The following KIF3C variants were observed in gnomAD, a reference collection of about 807,000 sequenced individuals.
KIF3C encodes kinesin family member 3C, also known as kinesin-like protein KIF3C.
KIF3C carries 12 observed loss-of-function variants against 67.7 expected under a neutral mutation model. The ratio of observed to expected loss-of-function variants is 0.18; its 90% CI spans 0.11 to 0.29. The LOEUF (loss-of-function observed/expected upper bound fraction) is 0.29. Ranked by LOEUF, KIF3C falls within the 10% of genes least tolerant of loss-of-function variation. The probability of loss-of-function intolerance (pLI) is 1.00; values close to 1 mark genes in which losing one functional copy is unlikely to be tolerated. For synonymous variants in KIF3C, 393 were observed against 426.2 expected, an observed-to-expected ratio of 0.92 and a Z score of 0.96; for missense variants, 789 against 1,059.6, an observed-to-expected ratio of 0.74 and a Z score of 3.55.
intron 5 of KIF3C, among the ~76,000 whole-genome samples, chr2:25,932,009 T>G (rs1190342747): frequency 9.4e-5 from 14 of 149,356 alleles, no homozygotes; most frequent in Non-Finnish European, 1.9e-4. Context: ...TTTTGTTTTT[T>G]TTTTTTTTTT....
At chr2:25,950,771 T>C (rs987007540) in intron 5 of KIF3C, among the ~76,000 whole-genome samples, 5 of 152,074 alleles carry the variant, frequency 3.3e-5, no homozygotes, top group African/African-American at 1.2e-4. Context: ...GGATTGTAGG[T>C]GCAAAGTAAT....
Position 25,958,820 on chromosome 2 carries a change from A to G in KIF3C, c.1546-2376T>C, listed in dbSNP as rs766517152. ...CCCGGTGCGGTGGCTAGCGCCTGTA[A>G]TCCCGGCACTTTGGGAGGCCAAGGC... On this transcript the variant is annotated intron_variant, in intron 1 of 7. Coordinates refer to ENST00000264712, the MANE Select transcript of KIF3C (RefSeq NM_002254.8). This position sits in a 1 kb window ranked among gnomAD's most constrained non-coding sequence, Gnocchi z 4.5. Among the ~76,000 whole-genome samples the G allele has an allele frequency of 6.6e-6, 1 of 152,068 alleles. No homozygotes were observed. The highest frequency in any genetic ancestry group is 2.4e-5 in the African/African-American group (1 of 41,408).
chr2:25,962,397 G>T (rs1663968362), intron 1 of KIF3C, among the ~76,000 whole-genome samples: 2 of 150,500 alleles, frequency 1.3e-5, no homozygotes, highest in African/African-American at 2.5e-5. Flanking sequence ...TTGTTTTTTT[G>T]AGACGGAGTT....
intron 1 of KIF3C, among the ~76,000 whole-genome samples, chr2:25,962,243 C>A (rs894634551): frequency 6.6e-6 from 1 of 152,184 alleles, no homozygotes; most frequent in African/African-American, 2.4e-5. Flanking sequence ...ACGTTTTTAA[C>A]CCTTTATTGT....
At position 25,981,706 on chromosome 2, in the gene KIF3C, G is replaced by C. The variant is rs1462321106; in HGVS notation, c.212C>G (p.Ala71Gly). Reference sequence around the variant, plus strand: ...CCTCACGGTTTCGTCATACAGGTCGGCCTGCTTGGAGCTGGCATCATACAC... The same window carrying C: ...CCTCACGGTTTCGTCATACAGGTCGCCCTGCTTGGAGCTGGCATCATACAC... ...DAVYDASSKQ[A>G]DLYDETVRPL... Residue 71 changes from alanine to glycine, a missense_variant, in exon 1 of 8, where the codon GCC becomes GGC. Coordinates refer to ENST00000264712, the MANE Select transcript of KIF3C (RefSeq NM_002254.8). The surrounding 1 kb of genome is among the most constrained non-coding windows in gnomAD (Gnocchi z 8.2). 6.2e-7 allele frequency: 1 copy of C among 1,613,722 alleles called. No individual in the cohort carries two copies. The highest frequency in any genetic ancestry group is 1.3e-5 in the African/African-American group (1 of 74,944).
chr2:25,953,995 T>A, intron 4 of KIF3C: 1 of 371,742 alleles, frequency 2.7e-6, no homozygotes, highest in Non-Finnish European at 4.9e-6. Context: ...AAATTTAAAA[T>A]CACTGATTCT....
Position 25,928,939 on chromosome 2 carries a change from C to T in KIF3C, c.*39G>A. 1 of 1,572,444 alleles carries T rather than the reference C, an allele frequency of 6.4e-7. No homozygotes were observed. The highest frequency in any genetic ancestry group is 8.7e-7 in the Non-Finnish European group (1 of 1,147,432). ...ATGAGCCAGGGTTGGCTGCCCCATCCCAGGAGTCTATTGGATGGGCAGCCT... is the reference window on the plus strand; with the variant it reads ...ATGAGCCAGGGTTGGCTGCCCCATCTCAGGAGTCTATTGGATGGGCAGCCT... On this transcript the variant is annotated 3_prime_UTR_variant, in exon 8 of 8. Transcript: ENST00000264712.
intron 1 of KIF3C, among the ~76,000 whole-genome samples, chr2:25,962,951 A>AAT (rs1553715919): frequency 3.0e-5 from 1 of 33,082 alleles, no homozygotes; most frequent in Non-Finnish European, 4.1e-5. Flanking sequence ...TATAATATAT[A>AAT]ATATATAATA....
intron 1 of KIF3C, among the ~76,000 whole-genome samples, chr2:25,962,834 AAAATATATAATATATAATAT>A (rs1663996135): frequency 1.4e-5 from 1 of 69,326 alleles, no homozygotes; most frequent in Non-Finnish European, 2.5e-5. Context: ...TAAAATATAT[AAAATATATAATATATAATAT>A]AATATATAAT....
intron 1 of KIF3C, among the ~76,000 whole-genome samples, chr2:25,959,248 C>T (rs1663885307): frequency 6.6e-6 from 1 of 152,130 alleles, no homozygotes. Context: ...TTCGGGCCCC[C>T]TCAGTAACCA....
In KIF3C at chr2:25,981,509, G is replaced by T. The variant is rs752662412; in HGVS notation, c.409C>A (p.Gln137Lys). ...IFTHISRSQN[Q>K]QYLVRASYLE... ...TAGGAGGCCCGGACCAGGTACTGTTGGTTCTGGGAGCGGGAGATGTGGGTG... is the reference window on the plus strand; with the variant it reads ...TAGGAGGCCCGGACCAGGTACTGTTTGTTCTGGGAGCGGGAGATGTGGGTG... The change falls in exon 1 of 8, where the codon CAA (glutamine) becomes AAA (lysine). Residue 137 changes from glutamine (Q) to lysine (K), a missense_variant. This residue lies in a region of KIF3C where 141 missense variants were observed against 251.8 expected (regional missense o/e 0.56). Coordinates refer to ENST00000264712, the MANE Select transcript of KIF3C (RefSeq NM_002254.8). This position sits in a 1 kb window ranked among gnomAD's most constrained non-coding sequence, Gnocchi z 8.2. 6.2e-7 allele frequency: 1 copy of T among 1,614,100 alleles called. No homozygotes were observed. Among genetic ancestry groups the T allele is most frequent in the Non-Finnish European group, 8.5e-7 (1 of 1,180,008 alleles).
At chr2:25,962,974 AAT>A (rs1198089098) in intron 1 of KIF3C, among the ~76,000 whole-genome samples, 1 of 39,858 alleles carries the variant, frequency 2.5e-5, no homozygotes, top group Non-Finnish European at 3.6e-5. Context: ...TATAATATAT[AAT>A]ATATAATATA....
At chr2:25,954,451 T>C (rs1574488027) in intron 3 of KIF3C, 66 bp from the exon 4 acceptor site, 6 of 1,225,946 alleles carry the variant, frequency 4.9e-6, no homozygotes, top group East Asian at 2.4e-5. Flanking sequence ...TCACCCAGCC[T>C]GGGCCGCAGG....
At chr2:25,966,979 G>C (rs180777283) in intron 1 of KIF3C, among the ~76,000 whole-genome samples, 11 of 152,316 alleles carry the variant, frequency 7.2e-5, no homozygotes, top group Non-Finnish European at 1.6e-4. Context: ...AAATGGCAGA[G>C]TGATATTTGA....
At chr2:25,952,838 A>G (rs1273423677) in intron 4 of KIF3C, among the ~76,000 whole-genome samples, 1 of 151,988 alleles carries the variant, frequency 6.6e-6, no homozygotes, top group Non-Finnish European at 1.5e-5. Context: ...GATTACAGGT[A>G]TAAGCCAGCA....
rs539815631 is a variant in KIF3C, at chr2:25,980,669, C to T, written c.1249G>A (p.Ala417Thr). The T allele has an allele frequency of 1.2e-5, 19 of 1,613,934 alleles. No individual in the cohort carries two copies. The highest frequency in any genetic ancestry group is 3.3e-4 in the Middle Eastern group (2 of 6,084). The change falls in exon 1 of 8, where the codon GCC becomes ACC. Residue 417 changes from alanine (A) to threonine (T), a missense_variant. By Grantham distance (58) the Ala-to-Thr change is moderately conservative. Around this residue, in one of 2 missense-constraint regions of KIF3C, gnomAD observed 648 missense variants for 807.8 expected, o/e 0.80. Transcript: ENST00000264712. The surrounding 1 kb of genome is among the most constrained non-coding windows in gnomAD (Gnocchi z 7.6). The stretch of plus-strand genomic sequence containing the variant: ...GGGCCCTCAGGGTACCCAGGCGGGG[C>T]GGACACGGCCTTCTTCCTGCGGCTG... ...KSSRRKKAVSAPPGYPEGPVI... is the reference protein window; with the variant it reads ...KSSRRKKAVSTPPGYPEGPVI...
intron 5 of KIF3C, among the ~76,000 whole-genome samples, chr2:25,946,572 C>T (rs570161789): frequency 6.6e-5 from 10 of 152,092 alleles, no homozygotes; most frequent in African/African-American, 1.9e-4. Flanking sequence ...CCTGTAATCC[C>T]GGTTACTCAG....
At chr2:25,933,714 G>A (rs1236404387) in intron 5 of KIF3C, among the ~76,000 whole-genome samples, 1 of 150,562 alleles carries the variant, frequency 6.6e-6, no homozygotes, top group Non-Finnish European at 1.5e-5. Context: ...TACCAGTTCA[G>A]ATCCACTAGG....
At chr2:25,962,704 A>ACT (rs1663979764) in intron 1 of KIF3C, among the ~76,000 whole-genome samples, 1 of 134,830 alleles carries the variant, frequency 7.4e-6, no homozygotes, top group East Asian at 2.0e-4. Flanking sequence ...GACATAGTAT[A>ACT]AACACAAGCT....
Sources: gnomAD v4.1 joint callset for allele counts (sites outside exome capture counted in the v4.1 genomes callset) on GRCh38, gnomAD v4.1.1 for gene constraint, gnomAD v4.1.1 regional missense constraint, Gnocchi (gnomAD v3.1) non-coding constraint, MANE v1.5 for transcripts, NCBI Gene and HGNC (gene_info 2026-07-23, HGNC 2026-07-21) for gene names.